The following EFTUD2 variants were observed in gnomAD, a reference collection of about 807,000 sequenced individuals.
EFTUD2 encodes the protein 116 kDa U5 small nuclear ribonucleoprotein component.
EFTUD2 carries 9 observed loss-of-function variants against 114.3 expected under a neutral mutation model. That is an observed-to-expected ratio of 0.08 (90% CI 0.05 to 0.14). The LOEUF is 0.14. EFTUD2 is among the 10% of genes least tolerant of loss of function. EFTUD2 has a pLI of 1.00. For synonymous variants in EFTUD2, 449 were observed against 462.3 expected (o/e 0.97, Z 0.37); for missense variants, 765 against 1,241.2 (o/e 0.62, Z 5.76).
chr17:44,857,136 A>G lies in EFTUD2; in HGVS notation c.1984T>C (p.Phe662Leu). Residue 662 changes from phenylalanine to leucine, a missense_variant, in exon 20 of 28, where the codon TTT (phenylalanine) becomes CTT (leucine). By Grantham distance (22) the Phe-to-Leu change is conservative. Transcript: ENST00000426333. ...DIKVADPVVT[F>L]CETVVETSSL... ...GATGTTTCCACCACCGTCTCACAAA[A>G]CGTGACAACTGGGTCAGCCACCTGG... The G allele has an allele frequency of 6.2e-7, 1 of 1,613,980 alleles. No homozygotes were observed. The highest frequency in any genetic ancestry group is 8.5e-7 in the Non-Finnish European group (1 of 1,179,866).
At chr17:44,888,172 T>A in intron 2 of EFTUD2, among the ~76,000 whole-genome samples, 1 of 151,992 alleles carries the variant, frequency 6.6e-6, no homozygotes, top group East Asian at 1.9e-4. Context: ...GCCAATATGG[T>A]GAGAATGGAG....
At chr17:44,858,944 T>C (rs2050606394) in intron 19 of EFTUD2, 136 bp downstream of exon 19, 3 of 668,968 alleles carry the variant, frequency 4.5e-6, no homozygotes, top group Non-Finnish European at 8.1e-6. Flanking sequence ...AACCTTCCCA[T>C]ATAAGGAGCA....
Position 44,894,506 on chromosome 17 carries a change from A to G in EFTUD2, c.16T>C (p.Tyr6His). ...CCAATATAATTCCCAAACTCATCAT[A>G]TAAGTCGGTATCCATGATGCTAAAA... MDTDL[Y>H]DEFGNYIGPE... The change falls in exon 2 of 28, where the codon TAT becomes CAT. Residue 6 changes from tyrosine to histidine, a missense_variant. Tyr to His is a moderately conservative substitution (Grantham distance 83). This residue lies in a region of EFTUD2 where 121 missense variants were observed against 133.7 expected (regional missense o/e 0.90). Transcript: ENST00000426333. 6.2e-7 allele frequency: 1 copy of G among 1,613,578 alleles called. No individual in the cohort carries two copies. The highest frequency in any genetic ancestry group is 8.5e-7 in the Non-Finnish European group (1 of 1,179,532).
rs2050873568 is a variant in EFTUD2, at chr17:44,872,498, G to A, written c.942C>T (p.Tyr314=). The A allele has an allele frequency of 1.2e-6, 2 of 1,613,578 alleles. No individual in the cohort carries two copies. Among genetic ancestry groups the A allele is most frequent in the Non-Finnish European group, 1.7e-6 (2 of 1,179,634 alleles). The change falls in exon 11 of 28, where the codon TAC becomes TAT. Residue 314 remains tyrosine (Y), a synonymous_variant. Transcript: ENST00000426333. ...LGNVCFSSSQ[Y]SICFTLGSFA... ...AGGAGCCCAGCGTGAAGCAGATGCT[G>A]TACTGGGAGCTGGAGAAGCAGACGT...
intron 6 of EFTUD2, among the ~76,000 whole-genome samples, chr17:44,882,626 T>C (rs2051092824): frequency 6.6e-6 from 1 of 152,186 alleles, no homozygotes; most frequent in Non-Finnish European, 1.5e-5. Context: ...GAATTCTTAG[T>C]GTGGTAAAGG....
intron 14 of EFTUD2, among the ~76,000 whole-genome samples, chr17:44,864,383 C>T (rs191798713): frequency 6.6e-5 from 10 of 152,298 alleles, no homozygotes; most frequent in South Asian, 4.1e-4. Flanking sequence ...GCTGAGAAGA[C>T]CCTCAGCCAT....
chr17:44,888,490 T>A (rs1361987653), intron 2 of EFTUD2, among the ~76,000 whole-genome samples: 1 of 152,150 alleles, frequency 6.6e-6, no homozygotes, highest in African/African-American at 2.4e-5. Flanking sequence ...CCAGCCCCTA[T>A]GCTGAGAATA....
At chr17:44,880,465 T>G in intron 8 of EFTUD2, 89 bp downstream of exon 8, 1 of 886,822 alleles carries the variant, frequency 1.1e-6, no homozygotes. Flanking sequence ...AAAACAAAGA[T>G]GCACTGCTCC....
chr17:44,886,275 G>A (rs996859440), intron 3 of EFTUD2, among the ~76,000 whole-genome samples: 1 of 152,080 alleles, frequency 6.6e-6, no homozygotes, highest in African/African-American at 2.4e-5. Flanking sequence ...TATGAGAACT[G>A]GTTAAAAGGG....
intron 4 of EFTUD2, 120 bp from the exon 5 acceptor site, chr17:44,883,844 C>A: frequency 2.4e-6 from 2 of 836,578 alleles, no homozygotes; most frequent in Non-Finnish European, 4.1e-6. Context: ...CTGGAGAGTG[C>A]TCAGGCAGAT....
chr17:44,853,917 T>C (rs2050500892), intron 23 of EFTUD2: 3 of 1,364,726 alleles, frequency 2.2e-6, no homozygotes, highest in East Asian at 2.8e-5. Context: ...TTTTTGTGGA[T>C]GTAGAATAAA....
intron 11 of EFTUD2, among the ~76,000 whole-genome samples, chr17:44,870,384 A>T (rs1255957115): frequency 6.6e-6 from 1 of 152,234 alleles, no homozygotes; most frequent in Non-Finnish European, 1.5e-5. Flanking sequence ...ACCCATTTTT[A>T]AAAAAGAGCC....
chr17:44,880,416 C>G (rs966206726), intron 8 of EFTUD2, 138 bp downstream of exon 8: 1 of 591,900 alleles, frequency 1.7e-6, no homozygotes, highest in Non-Finnish European at 3.0e-6. Flanking sequence ...AGGAGAGAGT[C>G]AAAATGGAAA....
chr17:44,893,283 T>C (rs2051315709), intron 2 of EFTUD2, among the ~76,000 whole-genome samples: 1 of 152,042 alleles, frequency 6.6e-6, no homozygotes, highest in Non-Finnish European at 1.5e-5. Context: ...CCAACAAGCC[T>C]GGCTAATATT....
Position 44,876,014 on chromosome 17 carries a change from C to T in EFTUD2, c.789G>A (p.Leu263=). ...TTGGAGGCAGCTTCAGCTCCAGGAT[C>T]AGCCGGTCAATCTTGTTGATGCACA... is the stretch of plus-strand genomic sequence containing the variant. ...VTVCINKIDR[L]ILELKLPPTD... is the part of the protein sequence containing the mutation. Residue 263 remains leucine, a synonymous_variant, in exon 10 of 28, where the codon CTG becomes CTA. Transcript: ENST00000426333. 1 of 1,614,066 alleles carries T rather than the reference C, an allele frequency of 6.2e-7. No homozygotes were observed.
Position 44,879,077 on chromosome 17 carries a change from C to T in EFTUD2, c.702+479G>A, listed in dbSNP as rs531043715. Among the ~76,000 whole-genome samples the T allele has an allele frequency of 5.3e-5, 8 of 152,230 alleles. No individual in the cohort carries two copies. In the East Asian group the frequency reaches 5.8e-4, roughly 11 times the overall value. The stretch of plus-strand genomic sequence containing the variant: ...ACTGAGCAGGAAGCAAGGGCACCCA[C>T]ATTGATAATTTTTTTCTTCGTTTTT... On this transcript the variant is annotated intron_variant, in intron 9 of 27. Coordinates refer to ENST00000426333, the MANE Select transcript of EFTUD2 (RefSeq NM_004247.4).
chr17:44,885,300 G>T lies in EFTUD2; in HGVS notation c.306C>A (p.Phe102Leu). The T allele has an allele frequency of 6.2e-7, 1 of 1,613,850 alleles. No individual in the cohort carries two copies. Among genetic ancestry groups the T allele is most frequent in the Non-Finnish European group, 8.5e-7 (1 of 1,179,888 alleles). ...CAGGTAATGTCTGCTCCATCAGAGT[G>T]AATTTCTTGGTTTTCACTGGCTTAA... Reference protein sequence around the residue: ...PIIKPVKTKKFTLMEQTLPVT... With the variant: ...PIIKPVKTKKLTLMEQTLPVT... The change falls in exon 4 of 28, where the codon TTC becomes TTA. Residue 102 changes from phenylalanine (F) to leucine (L), a missense_variant. Coordinates refer to ENST00000426333, the MANE Select transcript of EFTUD2 (RefSeq NM_004247.4).
intron 1 of EFTUD2, among the ~76,000 whole-genome samples, chr17:44,895,152 T>G (rs2051355095): frequency 6.6e-6 from 1 of 152,272 alleles, no homozygotes; most frequent in South Asian, 2.1e-4. Context: ...TATTTCATGA[T>G]ACATGAAAAT....
In EFTUD2 at chr17:44,890,435, G is replaced by A. The variant is rs186099714; in HGVS notation, c.106-3685C>T. ...TGTCCAGGTGCGGTGGCTCACACCT[G>A]TAATCCCAGCACTTTGAGAGGCTGA... is the stretch of plus-strand genomic sequence containing the variant. On this transcript the variant is annotated intron_variant, in intron 2 of 27. Coordinates refer to ENST00000426333, the MANE Select transcript of EFTUD2 (RefSeq NM_004247.4). Among the ~76,000 whole-genome samples, 40 of 151,512 alleles carry A rather than the reference G, an allele frequency of 2.6e-4. 1 individual carries two copies. The highest frequency in any genetic ancestry group is 2.4e-3 in the Admixed American group (37 of 15,238).
Sources: gnomAD v4.1 joint callset for allele counts (sites outside exome capture counted in the v4.1 genomes callset) on GRCh38, gnomAD v4.1.1 for gene constraint, gnomAD v4.1.1 regional missense constraint, MANE v1.5 for transcripts, NCBI Gene and HGNC (gene_info 2026-07-23, HGNC 2026-07-21) for gene names.